The following CCDC39 variants were observed in gnomAD, a reference collection of about 807,000 sequenced individuals.
CCDC39 encodes the protein coiled-coil domain 39 molecular ruler complex subunit.
Under a neutral mutation model 121.0 loss-of-function variants are expected in CCDC39, and 113 were observed. The ratio of observed to expected loss-of-function variants is 0.93; its 90% confidence interval spans 0.80 to 1.09. The LOEUF (loss-of-function observed/expected upper bound fraction) is 1.09, where lower values mean the gene tolerates loss of function less well. CCDC39 is among the 50% of genes least tolerant of loss of function. The pLI, the probability that CCDC39 is intolerant of heterozygous loss-of-function variation, is 0.00. For synonymous variants in CCDC39, 349 were observed against 352.2 expected, an observed-to-expected ratio of 0.99 and a Z score of 0.10; for missense variants, 1,063 against 1,074.7, an observed-to-expected ratio of 0.99 and a Z score of 0.15.
Position 180,623,676 on chromosome 3 carries a change from A to T in CCDC39, c.1999-3706T>A, listed in dbSNP as rs929190323. On this transcript the variant is annotated intron_variant, in intron 14 of 19. Coordinates refer to ENST00000476379, the MANE Select transcript of CCDC39 (RefSeq NM_181426.2). ...GTATCCATTTTCATTCATTTCAAAAATTTTTTTAAATTTCCATCCTGATTT... is the reference window on the plus strand; with the variant it reads ...GTATCCATTTTCATTCATTTCAAAATTTTTTTTAAATTTCCATCCTGATTT... 3.9e-5 allele frequency among the ~76,000 whole-genome samples: 6 copies of T among 152,126 alleles called. No homozygotes were observed. The East Asian group carries it at 1.2e-3, about 29-fold the overall frequency.
intron 7 of CCDC39, 111 bp downstream of exon 7, chr3:180,654,651 A>T: frequency 1.4e-6 from 1 of 694,108 alleles, no homozygotes; most frequent in Non-Finnish European, 2.1e-6. Context: ...AAAGGAAAAA[A>T]AAAAAAAACT....
chr3:180,663,765 G>A (rs1040608703), intron 2 of CCDC39, 102 bp downstream of exon 2: 21 of 1,102,702 alleles, frequency 1.9e-5, no homozygotes, highest in Admixed American at 2.4e-5. Flanking sequence ...GTTTAATTAT[G>A]CTAAGGTTTC....
intron 13 of CCDC39, among the ~76,000 whole-genome samples, chr3:180,633,695 A>T (rs1420149197): frequency 1.3e-5 from 2 of 152,192 alleles, no homozygotes; most frequent in Non-Finnish European, 2.9e-5. Flanking sequence ...AATGGAGAAA[A>T]CAGGAGAGTA....
At chr3:180,621,366 T>C (rs192494295) in intron 14 of CCDC39, among the ~76,000 whole-genome samples, 27 of 152,230 alleles carry the variant, frequency 1.8e-4, no homozygotes, top group Admixed American at 9.8e-4. Context: ...TTGTGTTAAT[T>C]TACATTCCCA....
chr3:180,624,498 T>C (rs1397647921), intron 14 of CCDC39, among the ~76,000 whole-genome samples: 2 of 152,200 alleles, frequency 1.3e-5, no homozygotes, highest in African/African-American at 4.8e-5. Context: ...TTTTTCTCTG[T>C]GTGGTCGTCT....
intron 9 of CCDC39, among the ~76,000 whole-genome samples, chr3:180,649,667 C>G (rs1718151900): frequency 1.3e-5 from 2 of 151,900 alleles, no homozygotes; most frequent in African/African-American, 2.4e-5. Context: ...AAACAAAAAC[C>G]AACAGCAATG....
At chr3:180,620,192 C>T (rs1290435131) in intron 14 of CCDC39, among the ~76,000 whole-genome samples, 2 of 151,736 alleles carry the variant, frequency 1.3e-5, no homozygotes, top group African/African-American at 2.4e-5. Context: ...AATTCAAAAC[C>T]GTGATGGAAA....
chr3:180,675,209 G>C (rs994538617), intron 1 of CCDC39, among the ~76,000 whole-genome samples: 3 of 152,138 alleles, frequency 2.0e-5, no homozygotes, highest in Non-Finnish European at 4.4e-5. Flanking sequence ...TTAGTCTTGG[G>C]AGGGTGTATG....
At chr3:180,624,292 GTA>G (rs1339689632) in intron 14 of CCDC39, among the ~76,000 whole-genome samples, 2 of 151,806 alleles carry the variant, frequency 1.3e-5, no homozygotes, top group Non-Finnish European at 2.9e-5. Flanking sequence ...TTTACTTTCA[GTA>G]TATATGTCTT....
chr3:180,651,060 TTGCA>T (rs1251559192), intron 9 of CCDC39, among the ~76,000 whole-genome samples: 5 of 151,852 alleles, frequency 3.3e-5, no homozygotes. Context: ...CCAGGCGTGG[TTGCA>T]GGCACCTGTA....
At chr3:180,620,039 C>A in intron 14 of CCDC39, 69 bp from the exon 15 acceptor site, 1 of 1,230,402 alleles carries the variant, frequency 8.1e-7, no homozygotes, top group South Asian at 1.6e-5. Context: ...TAATGGCTGT[C>A]TTTGGAGCAG....
chr3:180,662,556 C>A (rs373229386), intron 2 of CCDC39, among the ~76,000 whole-genome samples: 50 of 152,186 alleles, frequency 3.3e-4, no homozygotes, highest in African/African-American at 1.1e-3. Context: ...ATTAATTTTA[C>A]AGTACTAAAG....
chr3:180,620,649 T>TATA (rs1243138141), intron 14 of CCDC39, among the ~76,000 whole-genome samples: 2 of 152,008 alleles, frequency 1.3e-5, no homozygotes, highest in East Asian at 3.9e-4. Flanking sequence ...TATATATGTG[T>TATA]ATATATATGC....
intron 14 of CCDC39, among the ~76,000 whole-genome samples, chr3:180,625,984 A>G (rs1717549404): frequency 6.6e-6 from 1 of 151,736 alleles, no homozygotes; most frequent in Admixed American, 6.6e-5. Flanking sequence ...AGATGTTGGT[A>G]GTGGGAATGG....
At chr3:180,638,379 T>C (rs1717880318) in intron 13 of CCDC39, among the ~76,000 whole-genome samples, 1 of 152,136 alleles carries the variant, frequency 6.6e-6, no homozygotes, top group Admixed American at 6.6e-5. Context: ...ATGCAAGGAC[T>C]GCAAAGTTTC....
At chr3:180,651,357 C>T in intron 9 of CCDC39, 44 bp downstream of exon 9, 1 of 1,492,936 alleles carries the variant, frequency 6.7e-7, no homozygotes. Context: ...TTCACTGTTG[C>T]TAAATTTTCT....
chr3:180,655,032 T>C, intron 6 of CCDC39, 79 bp from the exon 7 acceptor site: 1 of 952,070 alleles, frequency 1.1e-6, no homozygotes, highest in Non-Finnish European at 1.5e-6. Flanking sequence ...TCTATTTTTC[T>C]ATTATTACAT....
intron 6 of CCDC39, among the ~76,000 whole-genome samples, chr3:180,658,161 T>A (rs191920882): frequency 1.3e-5 from 2 of 148,594 alleles, no homozygotes; most frequent in Non-Finnish European, 3.0e-5. Flanking sequence ...ATTGCTTGAA[T>A]CCGGGAGGCA....
At chr3:180,661,029 C>A (rs559450680) in intron 3 of CCDC39, among the ~76,000 whole-genome samples, 1 of 152,058 alleles carries the variant, frequency 6.6e-6, no homozygotes, top group South Asian at 2.1e-4. Context: ...CTCACAGCAA[C>A]TGCATTAATC....
Sources: gnomAD v4.1 joint callset for allele counts (sites outside exome capture counted in the v4.1 genomes callset) on GRCh38, gnomAD v4.1.1 for gene constraint, MANE v1.5 for transcripts, NCBI Gene and HGNC (gene_info 2026-07-23, HGNC 2026-07-21) for gene names.